The following SMYD3 variants were observed in gnomAD, a reference collection of about 807,000 sequenced individuals.
SMYD3 encodes SET and MYND domain containing 3.
A neutral mutation model predicts 57.7 loss-of-function variants in SMYD3; 36 were observed. That is an observed-to-expected ratio of 0.62 (90% CI 0.48 to 0.82). The LOEUF is 0.82. Among genes scored for constraint, SMYD3 ranks in the 40% least tolerant of loss-of-function variants. The pLI, the probability that SMYD3 is intolerant of heterozygous loss-of-function variation, is 0.00. For synonymous variants in SMYD3, 211 were observed against 195.0 expected (o/e 1.08, Z -0.68); for missense variants, 515 against 538.8 (o/e 0.96, Z 0.44).
intron 10 of SMYD3, among the ~76,000 whole-genome samples, chr1:245,772,859 GA>G (rs1353343929): frequency 6.6e-6 from 1 of 152,124 alleles, no homozygotes; most frequent in African/African-American, 2.4e-5. Context: ...AAATTAGAAT[GA>G]AGGAGATACA....
intron 5 of SMYD3, among the ~76,000 whole-genome samples, chr1:245,969,406 G>A (rs1300195512): frequency 6.6e-6 from 1 of 152,222 alleles, no homozygotes; most frequent in African/African-American, 2.4e-5. Flanking sequence ...TTTCTCTACT[G>A]GAGGGGTAAA....
chr1:245,869,366 A>C (rs529585361), intron 8 of SMYD3, among the ~76,000 whole-genome samples: 1 of 152,312 alleles, frequency 6.6e-6, no homozygotes, highest in African/African-American at 2.4e-5. Context: ...GACCCACTGC[A>C]TGACCCCGGG....
intron 2 of SMYD3, among the ~76,000 whole-genome samples, chr1:246,338,332 C>T (rs548779248): frequency 6.6e-6 from 1 of 152,282 alleles, no homozygotes; most frequent in African/African-American, 2.4e-5. Flanking sequence ...TGAAGCAAAA[C>T]GTGACAATCA....
intron 10 of SMYD3, among the ~76,000 whole-genome samples, chr1:245,842,838 T>A (rs919743678): frequency 5.3e-5 from 8 of 152,086 alleles, no homozygotes; most frequent in African/African-American, 1.7e-4. Flanking sequence ...AGCCTCCCGA[T>A]GAGCTGGGAC....
At chr1:246,455,999 A>G (rs1200658172) in intron 1 of SMYD3, among the ~76,000 whole-genome samples, 1 of 152,178 alleles carries the variant, frequency 6.6e-6, no homozygotes, top group Non-Finnish European at 1.5e-5. Context: ...CATAGCAGGG[A>G]AAAACTATGC....
intron 5 of SMYD3, among the ~76,000 whole-genome samples, chr1:246,256,545 T>C (rs1032371577): frequency 2.0e-5 from 3 of 148,054 alleles, no homozygotes; most frequent in Non-Finnish European, 4.5e-5. Context: ...TTGTCACTTC[T>C]AATTGTGCTT....
intron 5 of SMYD3, among the ~76,000 whole-genome samples, chr1:246,063,650 T>TCC (rs1481802360): frequency 7.3e-6 from 1 of 137,086 alleles, no homozygotes; most frequent in Non-Finnish European, 1.6e-5. Context: ...TCCCTTTCTC[T>TCC]CTCTCTCTCT....
chr1:245,788,729 A>G (rs771066537), intron 10 of SMYD3: 2 of 152,168 alleles, frequency 1.3e-5, no homozygotes, highest in African/African-American at 2.4e-5. Context: ...TGCTCCTTTC[A>G]TTATAACTCC....
At chr1:246,330,890 T>G (rs988516571) in intron 3 of SMYD3, among the ~76,000 whole-genome samples, 1 of 152,272 alleles carries the variant, frequency 6.6e-6, no homozygotes, top group Non-Finnish European at 1.5e-5. Flanking sequence ...TCCCCGATAC[T>G]TTGGGAGGCC....
intron 8 of SMYD3, among the ~76,000 whole-genome samples, chr1:245,887,443 C>A (rs1214596752): frequency 6.6e-6 from 1 of 152,178 alleles, no homozygotes; most frequent in Non-Finnish European, 1.5e-5. Flanking sequence ...CTTTATTCCT[C>A]CACCTTCTTA....
chr1:246,260,084 G>A (rs2063975847), intron 5 of SMYD3, among the ~76,000 whole-genome samples: 1 of 152,224 alleles, frequency 6.6e-6, no homozygotes, highest in Non-Finnish European at 1.5e-5. Context: ...GCATGGAGCA[G>A]AGAGAGTCCC....
chr1:246,268,689 A>G (rs1419250830), intron 5 of SMYD3, among the ~76,000 whole-genome samples: 1 of 152,174 alleles, frequency 6.6e-6, no homozygotes, highest in Non-Finnish European at 1.5e-5. Context: ...GAGTGACAGA[A>G]CGAGACACCA....
rs148346568 is a variant in SMYD3 at position 245,956,495 on chromosome 1, G to A, written c.532-26558C>T. On this transcript the variant is annotated intron_variant, in intron 5 of 11. Coordinates refer to ENST00000490107, the MANE Select transcript of SMYD3 (RefSeq NM_001167740.2). The stretch of plus-strand genomic sequence containing the variant: ...GACGTGTTGGGTGCCTACCCCTAGC[G>A]AGGCAGGCAGAGCATTATTTTTTAT... Among the ~76,000 whole-genome samples, 658 of 152,294 alleles carry A rather than the reference G, an allele frequency of 4.3e-3. 3 individuals carry two copies. Among genetic ancestry groups the A allele is most frequent in the African/African-American group, 0.014 (596 of 41,562 alleles).
intron 5 of SMYD3, among the ~76,000 whole-genome samples, chr1:246,231,981 A>G (rs1005632045): frequency 1.8e-4 from 27 of 152,334 alleles, no homozygotes; most frequent in African/African-American, 6.0e-4. Flanking sequence ...GGCAACAGTT[A>G]TAACACTTGA....
At chr1:246,442,842 G>C (rs1037743513) in intron 1 of SMYD3, among the ~76,000 whole-genome samples, 7 of 152,040 alleles carry the variant, frequency 4.6e-5, no homozygotes, top group African/African-American at 1.7e-4. Flanking sequence ...AGATGATCTT[G>C]GGAGCCAGAC....
chr1:245,932,656 C>T (rs1217424902), intron 5 of SMYD3, among the ~76,000 whole-genome samples: 1 of 152,158 alleles, frequency 6.6e-6, no homozygotes, highest in East Asian at 1.9e-4. Context: ...AACTCCGGAG[C>T]TCAAGTAATC....
chr1:245,897,783 C>T (rs965803106), intron 8 of SMYD3, among the ~76,000 whole-genome samples: 1 of 151,894 alleles, frequency 6.6e-6, no homozygotes, highest in Non-Finnish European at 1.5e-5. Flanking sequence ...GCCTGTAATC[C>T]CAGCTATTCA....
intron 5 of SMYD3, among the ~76,000 whole-genome samples, chr1:246,313,902 A>C (rs2065117952): frequency 6.6e-6 from 1 of 152,208 alleles, no homozygotes; most frequent in Non-Finnish European, 1.5e-5. Context: ...AAAATGATAA[A>C]GACTCAATCT....
chr1:246,401,584 C>T (rs2066769874), intron 1 of SMYD3, among the ~76,000 whole-genome samples: 1 of 152,090 alleles, frequency 6.6e-6, no homozygotes, highest in South Asian at 2.1e-4. Flanking sequence ...CTGCCCACCT[C>T]AGCCTCCCAA....
Sources: allele counts gnomAD v4.1 joint callset (sites outside exome capture counted in the v4.1 genomes callset), GRCh38; gene constraint gnomAD v4.1.1; transcripts MANE v1.5; gene names NCBI Gene and HGNC (gene_info 2026-07-23, HGNC 2026-07-21).